PSD3: variants seen among roughly 807,000 people sequenced by gnomAD.
The protein encoded by PSD3 is pleckstrin and Sec7 domain containing 3, also known as PH and SEC7 domain-containing protein 3.
PSD3 carries 49 observed loss-of-function variants against 105.5 expected under a neutral mutation model. The observed-to-expected ratio is 0.46, with a 90% CI of 0.37 to 0.59. The LOEUF (loss-of-function observed/expected upper bound fraction) is 0.59. Ranked by LOEUF, PSD3 falls within the 20% of genes least tolerant of loss-of-function variation. The pLI, the probability that PSD3 is intolerant of heterozygous loss-of-function variation, is 0.00. For missense variants in PSD3, 1,561 were observed against 1,263.8 expected, an observed-to-expected ratio of 1.24 and a Z score of -3.57; for synonymous variants, 557 against 457.8, an observed-to-expected ratio of 1.22 and a Z score of -2.77.
intron 1 of PSD3, among the ~76,000 whole-genome samples, chr8:19,051,609 A>G (rs1828532246): frequency 1.3e-5 from 2 of 152,148 alleles, no homozygotes; most frequent in South Asian, 4.1e-4. Context: ...GCAGCAGAGG[A>G]AATAAAAATC....
intron 1 of PSD3, among the ~76,000 whole-genome samples, chr8:19,061,633 C>T (rs562100434): frequency 6.6e-6 from 1 of 152,188 alleles, no homozygotes; most frequent in South Asian, 2.1e-4. Context: ...TGGTGAAACC[C>T]TGTCTCTCTA....
At chr8:19,022,600 C>T (rs1238438829) in intron 1 of PSD3, among the ~76,000 whole-genome samples, 3 of 152,182 alleles carry the variant, frequency 2.0e-5, no homozygotes, top group South Asian at 4.1e-4. Flanking sequence ...GAAGCAACCT[C>T]CATTGGTTTT....
intron 8 of PSD3, among the ~76,000 whole-genome samples, chr8:18,786,169 A>C (rs1013577366): frequency 2.0e-5 from 3 of 152,132 alleles, no homozygotes; most frequent in African/African-American, 7.2e-5. Context: ...GCGCCACTGC[A>C]CTCCAGCCTG....
intron 1 of PSD3, among the ~76,000 whole-genome samples, chr8:18,955,496 T>A (rs1823511656): frequency 6.6e-6 from 1 of 152,230 alleles, no homozygotes; most frequent in African/African-American, 2.4e-5. Context: ...AGTTTATGCA[T>A]AACAATTATT....
chr8:18,933,745 G>C lies in PSD3; in HGVS notation c.130+2289C>G, dbSNP rs1240730063. Reference sequence around the variant, plus strand: ...TGCCTCCCAAAGTGTTGGGATTAGAGGTGTGAGCAACTACGCCAGGCCAAT... The same window carrying C: ...TGCCTCCCAAAGTGTTGGGATTAGACGTGTGAGCAACTACGCCAGGCCAAT... On this transcript the variant is annotated intron_variant, in intron 2 of 15. Transcript: ENST00000327040. Among the ~76,000 whole-genome samples the C allele has an allele frequency of 1.3e-5, 2 of 152,174 alleles. 1 individual carries two copies. Among genetic ancestry groups the C allele is most frequent in the East Asian group, 3.9e-4 (2 of 5,192 alleles).
At chr8:18,957,576 T>C (rs1438479133) in intron 1 of PSD3, among the ~76,000 whole-genome samples, 1 of 152,194 alleles carries the variant, frequency 6.6e-6, no homozygotes, top group East Asian at 1.9e-4. Flanking sequence ...CAGCATTTGC[T>C]ACAATTCTTT....
rs574341807 is a variant in PSD3, at chr8:18,970,242, A to G, written c.22-34100T>C. Among the ~76,000 whole-genome samples, 28 of 143,766 alleles carry G rather than the reference A, an allele frequency of 1.9e-4. No homozygotes were observed. The South Asian group carries it at 5.7e-3, about 29-fold the overall frequency. The allele number at this position is 143,766 out of a possible 152,430, so 94.3% of individuals were successfully genotyped here. ...CAGGAGGCTGAGGCAGGAGAATGGC[A>G]TGAACCCGGGAGGCGGAGCTTGCAG... On this transcript the variant is annotated intron_variant, in intron 1 of 15. Coordinates refer to ENST00000327040, the MANE Select transcript of PSD3 (RefSeq NM_015310.4).
chr8:18,565,250 G>T (rs924890642), intron 14 of PSD3, among the ~76,000 whole-genome samples: 10 of 152,164 alleles, frequency 6.6e-5, no homozygotes, highest in Admixed American at 6.5e-4. Context: ...GGGCAGAAAG[G>T]GAGGTTGTGA....
upstream of PSD3, among the ~76,000 whole-genome samples, chr8:19,015,157 C>T (rs1827136959): frequency 6.6e-6 from 1 of 152,066 alleles, no homozygotes; most frequent in Non-Finnish European, 1.5e-5. Context: ...GGGCTGTTCT[C>T]GTCATAGTGA....
intron 1 of PSD3, 87 bp downstream of exon 1, chr8:19,013,476 A>T: frequency 6.4e-7 from 1 of 1,558,248 alleles, no homozygotes; most frequent in Non-Finnish European, 8.7e-7. Flanking sequence ...CCTGGGGGAC[A>T]GAGCGGCGAC....
chr8:18,815,679 G>C (rs71510626), intron 4 of PSD3, among the ~76,000 whole-genome samples: 11,691 of 152,118 alleles, frequency 0.077, 589 homozygotes, highest in South Asian at 0.18. Flanking sequence ...GTTTCTCTTT[G>C]GCGTGTTTGG....
chr8:18,804,087 G>A (rs771589410), intron 6 of PSD3, among the ~76,000 whole-genome samples: 4 of 152,030 alleles, frequency 2.6e-5, no homozygotes, highest in Non-Finnish European at 4.4e-5. Context: ...GTGTCATTTC[G>A]TTAAATGAAT....
At chr8:18,616,511 A>G (rs1159871033) in intron 11 of PSD3, among the ~76,000 whole-genome samples, 6 of 152,146 alleles carry the variant, frequency 3.9e-5, no homozygotes. Flanking sequence ...TGAAAGAAAC[A>G]TTCACCATCT....
intron 1 of PSD3, among the ~76,000 whole-genome samples, chr8:18,972,825 T>C (rs1483717782): frequency 6.6e-6 from 1 of 152,206 alleles, no homozygotes; most frequent in Non-Finnish European, 1.5e-5. Context: ...AGCTACGCTG[T>C]GTATGATAAT....
chr8:18,879,928 A>T (rs186318969), intron 2 of PSD3, among the ~76,000 whole-genome samples: 1 of 152,304 alleles, frequency 6.6e-6, no homozygotes, highest in African/African-American at 2.4e-5. Context: ...CAGTAATGTT[A>T]ACAAATATAA....
intron 9 of PSD3, among the ~76,000 whole-genome samples, chr8:18,761,399 T>G (rs908726425): frequency 8.5e-5 from 13 of 152,084 alleles, no homozygotes; most frequent in African/African-American, 3.1e-4. Flanking sequence ...TTAGGCTAAG[T>G]AAAATAATAT....
chr8:18,552,653 C>T, intron 15 of PSD3, among the ~76,000 whole-genome samples: 2 of 152,210 alleles, frequency 1.3e-5, no homozygotes, highest in Middle Eastern at 6.8e-3. Context: ...AAAATGGGAA[C>T]TGAATAAAAT....
chr8:18,934,434 G>A lies in PSD3; in HGVS notation c.130+1600C>T, dbSNP rs549331942. The stretch of plus-strand genomic sequence containing the variant: ...CTCTAAGATCCTTTTTTTTTGAGAC[G>A]GAGTCTCGCTCTATCGCCCAGGCTG... On this transcript the variant is annotated intron_variant, in intron 2 of 15. Coordinates refer to ENST00000327040, the MANE Select transcript of PSD3 (RefSeq NM_015310.4). Among the ~76,000 whole-genome samples, 5 of 151,716 alleles carry A rather than the reference G, an allele frequency of 3.3e-5. 1 individual carries two copies. Among genetic ancestry groups the A allele is most frequent in the African/African-American group, 9.7e-5 (4 of 41,412 alleles).
intron 8 of PSD3, among the ~76,000 whole-genome samples, chr8:18,767,404 T>G (rs966727094): frequency 2.6e-5 from 4 of 152,170 alleles, no homozygotes; most frequent in Non-Finnish European, 5.9e-5. Flanking sequence ...GTCACAGGTA[T>G]CATCTCTAGC....
Sources: gnomAD v4.1 joint callset for allele counts (sites outside exome capture counted in the v4.1 genomes callset) on GRCh38, gnomAD v4.1.1 for gene constraint, MANE v1.5 for transcripts, NCBI Gene and HGNC (gene_info 2026-07-23, HGNC 2026-07-21) for gene names.